The following STK24 variants were observed in gnomAD, a reference collection of about 807,000 sequenced individuals.
STK24 encodes serine/threonine-protein kinase 24.
A neutral mutation model predicts 55.6 loss-of-function variants in STK24; 21 were observed. The observed-to-expected ratio is 0.38, with a 90% CI of 0.27 to 0.54. The LOEUF (loss-of-function observed/expected upper bound fraction) is 0.54, where lower values mean the gene tolerates loss of function less well. Ranked by LOEUF, STK24 falls within the 20% of genes least tolerant of loss-of-function variation. The probability of loss-of-function intolerance (pLI) is 0.79; values close to 1 mark genes in which losing one functional copy is unlikely to be tolerated. For missense variants in STK24, 383 were observed against 538.4 expected (o/e 0.71, Z 2.86); for synonymous variants, 200 against 215.2 (o/e 0.93, Z 0.62).
At position 98,446,661 on chromosome 13, in the gene STK24, T is replaced by TC; in HGVS notation, c.*6511dup. ...AAGCCACTTTGCTTTGTTTCCCCTT[T>TC]CCAGGACAATCATCCCCTTGCCAGC... On this transcript the variant is annotated 3_prime_UTR_variant, in exon 11 of 11. Transcript: ENST00000539966. 6.2e-7 allele frequency: 1 copy of TC among 1,613,970 alleles called. No homozygotes were observed. Among genetic ancestry groups the TC allele is most frequent in the South Asian group, 1.1e-5 (1 of 91,068 alleles).
chr13:98,557,584 C>A (rs1293924715), intron 1 of STK24, among the ~76,000 whole-genome samples: 1 of 152,218 alleles, frequency 6.6e-6, no homozygotes, highest in East Asian at 1.9e-4. Flanking sequence ...AGCTGGGGGA[C>A]CAGCCTCCTT....
Position 98,447,486 on chromosome 13 carries a change from A to C in STK24, c.*5687T>G, listed in dbSNP as rs1892922009. 6.6e-6 allele frequency: 1 copy of C among 152,388 alleles called. No homozygotes were observed. Among genetic ancestry groups the C allele is most frequent in the African/African-American group, 2.4e-5 (1 of 41,446 alleles). 9.4% of individuals were successfully genotyped at this position (152,388 alleles called of 1,614,324 possible). A position where few individuals can be genotyped will look rare whatever the true frequency, so the allele number is the denominator to read the frequency against. ...CAAAGGGTCCAGCCTTGCAGTCCAG[A>C]TCCTGAAAGGCCTGGGACAAGGCCA... On this transcript the variant is annotated 3_prime_UTR_variant, in exon 11 of 11. Transcript: ENST00000539966.
intron 1 of STK24, among the ~76,000 whole-genome samples, chr13:98,562,140 CA>C (rs1195497329): frequency 6.6e-6 from 1 of 152,190 alleles, no homozygotes; most frequent in Non-Finnish European, 1.5e-5. Context: ...CGTGTACCTA[CA>C]TTATGACTGC....
chr13:98,463,612 C>G, intron 7 of STK24, 79 bp downstream of exon 7: 1 of 1,472,656 alleles, frequency 6.8e-7, no homozygotes, highest in Non-Finnish European at 9.0e-7. Context: ...CAACAGAAAA[C>G]GAAACCCACA....
At chr13:98,527,244 C>T (rs1226787272) in intron 1 of STK24, among the ~76,000 whole-genome samples, 1 of 152,078 alleles carries the variant, frequency 6.6e-6, no homozygotes, top group African/African-American at 2.4e-5. Flanking sequence ...GGGAGGCCCA[C>T]AGATCACTTG....
intron 2 of STK24, among the ~76,000 whole-genome samples, chr13:98,516,752 A>ATCAGGGCAACCTG (rs1375338756): frequency 6.6e-6 from 1 of 152,254 alleles, no homozygotes; most frequent in Non-Finnish European, 1.5e-5. Flanking sequence ...TGTCTGAAGG[A>ATCAGGGCAACCTG]AAACAGCCCA....
chr13:98,569,832 T>A (rs578150010), intron 1 of STK24, among the ~76,000 whole-genome samples: 1 of 137,210 alleles, frequency 7.3e-6, no homozygotes, highest in Non-Finnish European at 1.6e-5. Flanking sequence ...CCAAAGTCTA[T>A]AGACAATGCC....
At chr13:98,499,418 T>TG (rs946106525) in intron 2 of STK24, among the ~76,000 whole-genome samples, 1 of 152,164 alleles carries the variant, frequency 6.6e-6, no homozygotes, top group African/African-American at 2.4e-5. Flanking sequence ...TGTTCCCACT[T>TG]GGAGTGATTG....
chr13:98,524,693 T>G (rs1896371828), intron 1 of STK24, among the ~76,000 whole-genome samples: 1 of 152,196 alleles, frequency 6.6e-6, no homozygotes. Context: ...GATAATAGAA[T>G]TCAACAGAAA....
At chr13:98,513,210 C>T (rs755043727) in intron 2 of STK24, among the ~76,000 whole-genome samples, 4 of 152,242 alleles carry the variant, frequency 2.6e-5, no homozygotes, top group Non-Finnish European at 5.9e-5. Context: ...CTGCCACGGA[C>T]ATCATGGTGG....
chr13:98,446,062 C>T lies in STK24; in HGVS notation c.*7111G>A. 1.4e-6 allele frequency: 2 copies of T among 1,423,292 alleles called. No homozygotes were observed. Among genetic ancestry groups the T allele is most frequent in the Non-Finnish European group, 2.0e-6 (2 of 1,007,392 alleles). The allele number at this position is 1,423,292 out of a possible 1,614,324, so 88.2% of individuals were successfully genotyped here. ...TCTCTGTGCCCTCCTGGGGCAGGTG[C>T]CCGCTGTGCTTCTCACAGGCCTCCT... On this transcript the variant is annotated 3_prime_UTR_variant, in exon 11 of 11. Coordinates refer to ENST00000539966, the MANE Select transcript of STK24 (RefSeq NM_001032296.4).
At chr13:98,566,924 A>G (rs532296729) in intron 1 of STK24, among the ~76,000 whole-genome samples, 1 of 152,314 alleles carries the variant, frequency 6.6e-6, no homozygotes, top group Non-Finnish European at 1.5e-5. Flanking sequence ...CAGTTTAATA[A>G]CTTTGAAGTC....
chr13:98,482,371 A>G (rs767465352), intron 2 of STK24, 50 bp from the exon 3 acceptor site: 1 of 1,145,452 alleles, frequency 8.7e-7, no homozygotes, highest in African/African-American at 1.6e-5. Context: ...AATCCAGGAA[A>G]ATTTTTTTTA....
chr13:98,495,518 CAG>C (rs1006030830), intron 2 of STK24, among the ~76,000 whole-genome samples: 3 of 152,164 alleles, frequency 2.0e-5, no homozygotes, highest in African/African-American at 4.8e-5. Flanking sequence ...AGCCAGAAAA[CAG>C]AGCTGAATTT....
chr13:98,509,152 C>A (rs559486031), intron 2 of STK24, among the ~76,000 whole-genome samples: 1 of 152,188 alleles, frequency 6.6e-6, no homozygotes, highest in South Asian at 2.1e-4. Flanking sequence ...CTATAGAAAA[C>A]TTCCTAGGAG....
intron 1 of STK24, chr13:98,542,874 T>C (rs979944580): frequency 3.0e-6 from 3 of 985,344 alleles, no homozygotes; most frequent in African/African-American, 1.7e-5. Flanking sequence ...AGTTGAAATC[T>C]AGACCCCCTC....
chr13:98,457,417 G>C, intron 9 of STK24, 113 bp from the exon 10 acceptor site: 1 of 1,491,668 alleles, frequency 6.7e-7, no homozygotes, highest in Non-Finnish European at 9.1e-7. Flanking sequence ...CCCAGCCCCA[G>C]GGTGTCCGGG....
intron 1 of STK24, among the ~76,000 whole-genome samples, chr13:98,556,683 T>C (rs1342008885): frequency 1.3e-5 from 2 of 152,118 alleles, no homozygotes; most frequent in Non-Finnish European, 2.9e-5. Flanking sequence ...TGGGTTAAAA[T>C]GAAAGTCTGC....
At chr13:98,481,486 C>T (rs1894576583) in intron 3 of STK24, among the ~76,000 whole-genome samples, 1 of 152,240 alleles carries the variant, frequency 6.6e-6, no homozygotes, top group South Asian at 2.1e-4. Context: ...GGCATGACCA[C>T]TGCTCCCACA....
Sources: allele counts gnomAD v4.1 joint callset (sites outside exome capture counted in the v4.1 genomes callset), GRCh38; gene constraint gnomAD v4.1.1; transcripts MANE v1.5; gene names NCBI Gene and HGNC (gene_info 2026-07-23, HGNC 2026-07-21).